The following COL21A1 variants were observed in gnomAD, a reference collection of about 807,000 sequenced individuals.
The protein encoded by COL21A1 is collagen type XXI alpha 1 chain.
COL21A1 carries 149 observed loss-of-function variants against 137.9 expected under a neutral mutation model. The observed-to-expected ratio is 1.08, with a 90% CI of 0.95 to 1.24. The LOEUF (loss-of-function observed/expected upper bound fraction) is 1.24. COL21A1 is among the 50% of genes most tolerant of loss of function. The pLI is 0.00. For missense variants in COL21A1, 1,167 were observed against 1,158.4 expected (o/e 1.01, Z -0.11); for synonymous variants, 456 against 391.5 (o/e 1.16, Z -1.95).
chr6:56,246,836 A>G (rs1253328060), intron 1 of COL21A1, among the ~76,000 whole-genome samples: 1 of 151,404 alleles, frequency 6.6e-6, no homozygotes, highest in African/African-American at 2.4e-5. Context: ...CTTTGGAATC[A>G]CCTGACAAAA....
At chr6:56,306,413 G>T (rs1184793815) in intron 1 of COL21A1, among the ~76,000 whole-genome samples, 1 of 151,982 alleles carries the variant, frequency 6.6e-6, no homozygotes, top group African/African-American at 2.4e-5. Flanking sequence ...CATATTTCTT[G>T]GAGGCTTTAT....
intron 1 of COL21A1, among the ~76,000 whole-genome samples, chr6:56,257,926 T>G (rs1428394914): frequency 6.6e-6 from 1 of 152,146 alleles, no homozygotes; most frequent in Non-Finnish European, 1.5e-5. Flanking sequence ...CAGTCAGAAA[T>G]TATACAGTGA....
chr6:56,170,673 A>G lies in COL21A1; in HGVS notation c.1002T>C (p.Val334=), dbSNP rs564007471. The change falls in exon 5 of 30, where the codon GTT becomes GTC. Residue 334 remains valine (V), a synonymous_variant. Transcript: ENST00000244728. ...CCTTAACTTGAGGGTTAGCAAAGGTAACCACTTGTGAGCCATTAATTACGC... is the reference window on the plus strand; with the variant it reads ...CCTTAACTTGAGGGTTAGCAAAGGTGACCACTTGTGAGCCATTAATTACGC... ...TTSVINGSQV[V]TFANPQVKTL... 57 of 1,599,060 alleles carry G rather than the reference A, an allele frequency of 3.6e-5. No individual in the cohort carries two copies. In the East Asian group the frequency reaches 1.1e-3, roughly 31 times the overall value.
intron 1 of COL21A1, among the ~76,000 whole-genome samples, chr6:56,193,762 T>C (rs1219416128): frequency 1.1e-4 from 2 of 18,440 alleles, no homozygotes; most frequent in Non-Finnish European, 1.0e-4. Flanking sequence ...GTTTTTTTGT[T>C]TTTTTTTTTT....
chr6:56,092,705 AC>A, intron 17 of COL21A1, among the ~76,000 whole-genome samples: 1 of 152,286 alleles, frequency 6.6e-6, no homozygotes. Context: ...ATACTCACAT[AC>A]ATTTTTATAT....
intron 24 of COL21A1, among the ~76,000 whole-genome samples, chr6:56,062,567 G>A (rs555063794): frequency 2.4e-4 from 37 of 152,220 alleles, no homozygotes; most frequent in African/African-American, 8.9e-4. Flanking sequence ...AATTTAATAT[G>A]AAATTTAATG....
intron 1 of COL21A1, among the ~76,000 whole-genome samples, chr6:56,191,171 G>T (rs1238096220): frequency 1.3e-5 from 2 of 152,130 alleles, no homozygotes; most frequent in Admixed American, 6.5e-5. Flanking sequence ...AATTTTCTCA[G>T]TTTGCAGATG....
chr6:56,290,283 T>C (rs9349810), intron 1 of COL21A1, among the ~76,000 whole-genome samples: 40,418 of 151,846 alleles, frequency 0.27, 6,769 homozygotes, highest in Non-Finnish European at 0.38. Flanking sequence ...TCCTTTGTCA[T>C]GGAAGACTGT....
chr6:56,144,427 G>A (rs1372623415), intron 10 of COL21A1, among the ~76,000 whole-genome samples: 2 of 152,160 alleles, frequency 1.3e-5, no homozygotes, highest in Non-Finnish European at 2.9e-5. Context: ...GGAAAGGAAT[G>A]TTCATAAAAT....
At chr6:56,184,045 T>A (rs1471673164) in intron 1 of COL21A1, among the ~76,000 whole-genome samples, 1 of 152,174 alleles carries the variant, frequency 6.6e-6, no homozygotes, top group Non-Finnish European at 1.5e-5. Context: ...CTAGAACTTA[T>A]GGAACAATAT....
intron 17 of COL21A1, among the ~76,000 whole-genome samples, chr6:56,089,698 A>G (rs1768609903): frequency 1.3e-5 from 2 of 152,298 alleles, no homozygotes; most frequent in South Asian, 4.1e-4. Context: ...AGATGAATAT[A>G]ATCAGTCCCC....
At chr6:56,163,952 A>G (rs1776379977) in intron 9 of COL21A1, among the ~76,000 whole-genome samples, 1 of 152,242 alleles carries the variant, frequency 6.6e-6, no homozygotes, top group Admixed American at 6.5e-5. Context: ...AAATAAATGT[A>G]TGTGGCTCTA....
chr6:56,257,135 A>AG (rs1217339002), intron 1 of COL21A1, among the ~76,000 whole-genome samples: 4 of 152,192 alleles, frequency 2.6e-5, no homozygotes, highest in Non-Finnish European at 5.9e-5. Context: ...TGTTGAAAAA[A>AG]GAGATAAAAA....
In COL21A1 at chr6:56,093,823, T is replaced by C. The variant is rs1483989324; in HGVS notation, c.1812+7649A>G. On this transcript the variant is annotated intron_variant, in intron 17 of 29. Transcript: ENST00000244728. The stretch of plus-strand genomic sequence containing the variant: ...AAACCTTGTAAGTTTCCTGTATATA[T>C]AATGAGGATTTACACAATTAGACAA... Among the ~76,000 whole-genome samples the C allele has an allele frequency of 2.6e-5, 4 of 152,166 alleles. No individual in the cohort carries two copies. The East Asian group carries it at 7.7e-4, about 29-fold the overall frequency.
chr6:56,238,592 C>T (rs1003881766), intron 1 of COL21A1, among the ~76,000 whole-genome samples: 4 of 151,990 alleles, frequency 2.6e-5, no homozygotes, highest in African/African-American at 9.7e-5. Context: ...GCCTCATGGA[C>T]CCCAGAATCA....
chr6:56,302,580 GT>G (rs948252335), intron 1 of COL21A1, among the ~76,000 whole-genome samples: 92 of 151,912 alleles, frequency 6.1e-4, no homozygotes, highest in Admixed American at 6.6e-5. Context: ...GGGGTTGTTT[GT>G]TTTTTTCTTG....
intron 1 of COL21A1, among the ~76,000 whole-genome samples, chr6:56,312,710 G>T (rs1764640440): frequency 1.9e-5 from 1 of 51,808 alleles, no homozygotes; most frequent in South Asian, 2.3e-3. Context: ...AAATATGAAT[G>T]GTAGTGAAAA....
chr6:56,076,522 A>G (rs1029097351), intron 18 of COL21A1, among the ~76,000 whole-genome samples: 22 of 151,570 alleles, frequency 1.5e-4, no homozygotes, highest in Admixed American at 6.6e-5. Flanking sequence ...AAATATAACA[A>G]GAGACTTCAA....
At chr6:56,163,927 G>T (rs1203465283) in intron 9 of COL21A1, among the ~76,000 whole-genome samples, 1 of 152,060 alleles carries the variant, frequency 6.6e-6, no homozygotes, top group Non-Finnish European at 1.5e-5. Flanking sequence ...CTCCCCAAAA[G>T]TACATGATTA....
Sources: gnomAD v4.1 joint callset for allele counts (sites outside exome capture counted in the v4.1 genomes callset) on GRCh38, gnomAD v4.1.1 for gene constraint, MANE v1.5 for transcripts, NCBI Gene and HGNC (gene_info 2026-07-23, HGNC 2026-07-21) for gene names.